Variants in PCCA observed in about 807,000 individuals in gnomAD.
PCCA encodes the protein propionyl-CoA carboxylase alpha chain, mitochondrial.
Under a neutral mutation model 101.3 loss-of-function variants are expected in PCCA, and 74 were observed. The ratio of observed to expected loss-of-function variants is 0.73; its 90% confidence interval spans 0.61 to 0.89. PCCA has a LOEUF of 0.89. PCCA is among the 40% of genes least tolerant of loss of function. The pLI is 0.00. For synonymous variants in PCCA, 294 were observed against 313.6 expected, an observed-to-expected ratio of 0.94 and a Z score of 0.66; for missense variants, 891 against 907.0, an observed-to-expected ratio of 0.98 and a Z score of 0.23.
At chr13:100,435,480 T>TA (rs1210124594) in intron 20 of PCCA, among the ~76,000 whole-genome samples, 2 of 152,212 alleles carry the variant, frequency 1.3e-5, no homozygotes. Context: ...GAAGGCAACT[T>TA]ACCTTTGCTT....
intron 20 of PCCA, 34 bp from the exon 21 acceptor site, chr13:100,449,218 T>C (rs1046717361): frequency 2.9e-6 from 4 of 1,374,580 alleles, no homozygotes; most frequent in Middle Eastern, 1.8e-4. Flanking sequence ...TGTGCAGATA[T>C]GAGTTCATTT....
chr13:100,444,840 T>C (rs765317146), intron 20 of PCCA, among the ~76,000 whole-genome samples: 16 of 146,060 alleles, frequency 1.1e-4, no homozygotes, highest in Non-Finnish European at 1.8e-4. Flanking sequence ...TTCAGTTTTC[T>C]TTTGGAAAAT....
At chr13:100,208,878 C>T (rs2059033541) in intron 6 of PCCA, among the ~76,000 whole-genome samples, 1 of 152,148 alleles carries the variant, frequency 6.6e-6, no homozygotes, top group Non-Finnish European at 1.5e-5. Flanking sequence ...CTGTTGTCTT[C>T]ATCCATGTTA....
At chr13:100,369,543 C>T (rs751151122) in intron 19 of PCCA, among the ~76,000 whole-genome samples, 1 of 152,118 alleles carries the variant, frequency 6.6e-6, no homozygotes, top group Non-Finnish European at 1.5e-5. Flanking sequence ...CAAGCTGTTG[C>T]CCTGGAGAAG....
At chr13:100,408,782 A>G (rs982661753) in intron 19 of PCCA, among the ~76,000 whole-genome samples, 1 of 152,210 alleles carries the variant, frequency 6.6e-6, no homozygotes, top group African/African-American at 2.4e-5. Flanking sequence ...AAACAGTGAT[A>G]GTTCCGGGGT....
intron 1 of PCCA, 148 bp downstream of exon 1, chr13:100,089,373 C>T: frequency 1.8e-6 from 2 of 1,135,108 alleles, no homozygotes; most frequent in African/African-American, 3.3e-5. Context: ...GCTTTCCTCC[C>T]TCCCGGAGTT....
chr13:100,486,140 T>G (rs1050682440), intron 21 of PCCA, among the ~76,000 whole-genome samples: 8 of 152,334 alleles, frequency 5.3e-5, no homozygotes, highest in East Asian at 1.9e-4. Flanking sequence ...TCTCTGTCAT[T>G]CCTGAAGGAA....
At chr13:100,103,706 G>A (rs1317259531) in intron 2 of PCCA, among the ~76,000 whole-genome samples, 2 of 151,912 alleles carry the variant, frequency 1.3e-5, no homozygotes, top group African/African-American at 4.8e-5. Flanking sequence ...TGTGATCTTA[G>A]CTCACTGCAA....
At chr13:100,089,253 C>T (rs764976539) in intron 1 of PCCA, 28 bp downstream of exon 1, 43 of 1,469,102 alleles carry the variant, frequency 2.9e-5, no homozygotes, top group Non-Finnish European at 3.5e-5. Flanking sequence ...CTCGCGGGTC[C>T]GGGCTTCACT....
chr13:100,434,445 A>G (rs2079782351), intron 20 of PCCA, among the ~76,000 whole-genome samples: 1 of 152,186 alleles, frequency 6.6e-6, no homozygotes, highest in Non-Finnish European at 1.5e-5. Flanking sequence ...AAAGATGAGA[A>G]GAGCATGGCA....
At chr13:100,464,919 C>G (rs926453959) in intron 21 of PCCA, among the ~76,000 whole-genome samples, 1 of 152,192 alleles carries the variant, frequency 6.6e-6, no homozygotes, top group Non-Finnish European at 1.5e-5. Context: ...CTACTGGCCT[C>G]ACTTTTAAAG....
intron 16 of PCCA, among the ~76,000 whole-genome samples, chr13:100,315,704 G>C (rs1021519569): frequency 6.6e-6 from 1 of 152,258 alleles, no homozygotes; most frequent in Admixed American, 6.5e-5. Flanking sequence ...AGGCAGTCAG[G>C]GGAAGGCCAC....
chr13:100,381,920 CTG>C (rs1438885323), intron 19 of PCCA, among the ~76,000 whole-genome samples: 1 of 152,242 alleles, frequency 6.6e-6, no homozygotes, highest in Non-Finnish European at 1.5e-5. Context: ...GGAGCGAACT[CTG>C]TGCAGGCCCC....
chr13:100,446,906 G>A (rs188955169), intron 20 of PCCA, among the ~76,000 whole-genome samples: 4 of 152,140 alleles, frequency 2.6e-5, no homozygotes, highest in Admixed American at 6.5e-5. Context: ...AACTGTAAGC[G>A]TTTTTCATAT....
At chr13:100,443,540 A>G (rs1032330088) in intron 20 of PCCA, among the ~76,000 whole-genome samples, 1 of 152,096 alleles carries the variant, frequency 6.6e-6, no homozygotes, top group Non-Finnish European at 1.5e-5. Flanking sequence ...TAACTAGAAC[A>G]TAGCCACATT....
chr13:100,368,410 T>C, intron 18 of PCCA, 62 bp from the exon 19 acceptor site: 1 of 931,772 alleles, frequency 1.1e-6, no homozygotes, highest in Non-Finnish European at 1.7e-6. Flanking sequence ...CAAAGGGAAA[T>C]TAGTTTATTG....
At chr13:100,338,869 G>T (rs1167557249) in intron 17 of PCCA, among the ~76,000 whole-genome samples, 4 of 151,596 alleles carry the variant, frequency 2.6e-5, no homozygotes, top group African/African-American at 7.3e-5. Flanking sequence ...GTAGATATTG[G>T]AAGTATTTGT....
chr13:100,522,387 T>A (rs987147862), intron 22 of PCCA, among the ~76,000 whole-genome samples: 3 of 152,212 alleles, frequency 2.0e-5, no homozygotes, highest in Non-Finnish European at 4.4e-5. Context: ...CAGGAGCTAA[T>A]TTTTTATCCA....
intron 4 of PCCA, among the ~76,000 whole-genome samples, chr13:100,141,434 A>G (rs2051857795): frequency 6.6e-6 from 1 of 152,124 alleles, no homozygotes; most frequent in African/African-American, 2.4e-5. Context: ...TTTATCAGAC[A>G]GAGTCTCACT....
Sources: allele counts gnomAD v4.1 joint callset (sites outside exome capture counted in the v4.1 genomes callset), GRCh38; gene constraint gnomAD v4.1.1; transcripts MANE v1.5; gene names NCBI Gene and HGNC (gene_info 2026-07-23, HGNC 2026-07-21).